EXOC3L2: variants seen among roughly 807,000 people sequenced by gnomAD.
The protein encoded by EXOC3L2 is exocyst complex component 3-like protein 2.
In EXOC3L2, 17 loss-of-function variants were observed where a neutral mutation model predicts 44.4. That is an observed-to-expected ratio of 0.38 (90% confidence interval 0.26 to 0.57). The LOEUF is 0.57. EXOC3L2 is among the 20% of genes least tolerant of loss of function. EXOC3L2 has a pLI of 0.65. For missense variants in EXOC3L2, 541 were observed against 588.4 expected, an observed-to-expected ratio of 0.92 and a Z score of 0.83; for synonymous variants, 256 against 253.7, an observed-to-expected ratio of 1.01 and a Z score of -0.09.
chr19:45,216,305 G>A, intron 10 of EXOC3L2, 111 bp from the exon 11 acceptor site: 2 of 1,424,642 alleles, frequency 1.4e-6, no homozygotes, highest in South Asian at 1.4e-5. Context: ...ACCAGGGGTG[G>A]TGGCTCAAGC....
intron 4 of EXOC3L2, among the ~76,000 whole-genome samples, chr19:45,230,168 G>A (rs1599765863): frequency 1.3e-5 from 2 of 151,598 alleles, no homozygotes; most frequent in Non-Finnish European, 2.9e-5. Context: ...CTACAGGCAC[G>A]TGCCACCACA....
intron 1 of EXOC3L2, among the ~76,000 whole-genome samples, chr19:45,245,022 C>T (rs79216227): frequency 0.015 from 2,231 of 152,028 alleles, 51 homozygotes; most frequent in African/African-American, 0.052. Flanking sequence ...CGCCCAGACT[C>T]GCAGGACATT....
At position 45,231,746 on chromosome 19, in the gene EXOC3L2, T is replaced by C. The variant is rs759838271; in HGVS notation, c.1269+17A>G. 1.3e-6 allele frequency: 2 copies of C among 1,590,920 alleles called. No homozygotes were observed. The highest frequency in any genetic ancestry group is 3.4e-5 in the Admixed American group (2 of 59,494). On this transcript the variant is annotated intron_variant, in intron 4 of 11. Transcript: ENST00000413988. ...TCCACAGCACCTCCTGCTTCCAAAATGCAAAGTTCCAGGTACCTTAACATC... is the reference window on the plus strand; with the variant it reads ...TCCACAGCACCTCCTGCTTCCAAAACGCAAAGTTCCAGGTACCTTAACATC...
In EXOC3L2 at chr19:45,228,201, C is replaced by T. The variant is rs1176637308; in HGVS notation, c.1335G>A (p.Glu445=). 6.2e-7 allele frequency: 1 copy of T among 1,614,054 alleles called. No individual in the cohort carries two copies. The highest frequency in any genetic ancestry group is 8.5e-7 in the Non-Finnish European group (1 of 1,180,038). ...QEDEEHWGSL[E]DQPSSLAQDV... is the part of the protein sequence containing the mutation. ...CCTGGGCCAGGCTGCTGGGCTGGTCCTCCAGGCTCCCCCAGTGCTCTTCGT... is the reference window on the plus strand; with the variant it reads ...CCTGGGCCAGGCTGCTGGGCTGGTCTTCCAGGCTCCCCCAGTGCTCTTCGT... Residue 445 remains glutamate (E), a synonymous_variant, in exon 5 of 12, where the codon GAG becomes GAA. Transcript: ENST00000413988.
At chr19:45,227,181 G>A (rs1474959366) in intron 7 of EXOC3L2, among the ~76,000 whole-genome samples, 4 of 149,434 alleles carry the variant, frequency 2.7e-5, no homozygotes, top group Non-Finnish European at 5.9e-5. Flanking sequence ...GCAGTGGTGC[G>A]ATCTTGGCTC....
intron 2 of EXOC3L2, among the ~76,000 whole-genome samples, chr19:45,237,054 G>A (rs1298608595): frequency 6.6e-6 from 1 of 151,688 alleles, no homozygotes; most frequent in Non-Finnish European, 1.5e-5. Context: ...TGGGTGGAAG[G>A]TGGGTGCTGA....
intron 8 of EXOC3L2, among the ~76,000 whole-genome samples, chr19:45,221,515 A>C (rs1253689942): frequency 6.7e-6 from 1 of 149,090 alleles, no homozygotes; most frequent in South Asian, 2.1e-4. Flanking sequence ...TGCCCGGCTA[A>C]TTTTTGCATT....
At chr19:45,214,382 C>A (rs1278333803) in intron 11 of EXOC3L2, among the ~76,000 whole-genome samples, 1 of 152,196 alleles carries the variant, frequency 6.6e-6, no homozygotes, top group African/African-American at 2.4e-5. Flanking sequence ...CCGGCAGCCA[C>A]CACCACTGCC....
At chr19:45,223,295 T>C (rs1247853286) in intron 8 of EXOC3L2, among the ~76,000 whole-genome samples, 1 of 151,960 alleles carries the variant, frequency 6.6e-6, no homozygotes. Flanking sequence ...GTAAGTGCTT[T>C]GGAGAAAAAT....
intron 4 of EXOC3L2, among the ~76,000 whole-genome samples, chr19:45,229,103 GATAAA>G (rs1436652004): frequency 7.3e-5 from 11 of 151,036 alleles, no homozygotes; most frequent in East Asian, 1.9e-4. Flanking sequence ...TAAATAAATA[GATAAA>G]ATAAAATTAG....
intron 1 of EXOC3L2, among the ~76,000 whole-genome samples, chr19:45,240,528 A>G (rs1057455139): frequency 6.6e-6 from 1 of 152,062 alleles, no homozygotes; most frequent in Non-Finnish European, 1.5e-5. Context: ...AAAGGAAGAC[A>G]CTCTGGAACT....
Position 45,213,110 on chromosome 19 carries a change from G to A in EXOC3L2, c.2368C>T (p.Pro790Ser). 1 of 1,545,102 alleles carries A rather than the reference G, an allele frequency of 6.5e-7. No homozygotes were observed. The highest frequency in any genetic ancestry group is 8.7e-7 in the Non-Finnish European group (1 of 1,149,890). ...ARPSLACLPR[P>S]RPPSLARPRA... The stretch of plus-strand genomic sequence containing the variant: ...GGTCGCGCTAGAGACGGAGGCCGGG[G>A]CCGAGGCAGACAGGCCAAACTGGGC... Residue 790 changes from proline to serine, a missense_variant, in exon 12 of 12, where the codon CCC becomes TCC. Pro to Ser is a moderately conservative substitution (Grantham distance 74). Coordinates refer to ENST00000413988, the MANE Select transcript of EXOC3L2 (RefSeq NM_001382422.1).
At chr19:45,243,386 T>C (rs1970145507) in intron 1 of EXOC3L2, among the ~76,000 whole-genome samples, 1 of 152,112 alleles carries the variant, frequency 6.6e-6, no homozygotes, top group Non-Finnish European at 1.5e-5. Flanking sequence ...GCCTAGGTTA[T>C]GAGTAAGAGC....
chr19:45,212,917 C>T lies in EXOC3L2; in HGVS notation c.*152G>A, dbSNP rs1969790737. 4 of 862,216 alleles carry T rather than the reference C, an allele frequency of 4.6e-6. No homozygotes were observed. The highest frequency in any genetic ancestry group is 6.6e-6 in the Non-Finnish European group (4 of 608,014). 53.4% of individuals were successfully genotyped at this position (862,216 alleles called of 1,614,324 possible). On this transcript the variant is annotated 3_prime_UTR_variant, in exon 12 of 12. Coordinates refer to ENST00000413988, the MANE Select transcript of EXOC3L2 (RefSeq NM_001382422.1). ...GCCTGGCGTTTGTTTCCCTTCTGTA[C>T]AGGGAGTTTGGGGTTGGGTGAAAAG...
In EXOC3L2 at chr19:45,231,671, A is replaced by G. The variant is rs1357366376; in HGVS notation, c.1269+92T>C. On this transcript the variant is annotated intron_variant, in intron 4 of 11. Transcript: ENST00000413988. ...GTAAAGGGAAAAGGGAGTTGGAAAG[A>G]GTGAAAGGTGGAGGGGACAGGCTTC... The G allele has an allele frequency of 1.1e-5, 12 of 1,095,434 alleles. No individual in the cohort carries two copies. In the African/African-American group the frequency reaches 1.7e-4, roughly 16 times the overall value. 67.9% of individuals were successfully genotyped at this position (1,095,434 alleles called of 1,614,324 possible).
intron 11 of EXOC3L2, among the ~76,000 whole-genome samples, chr19:45,214,349 G>A (rs907657262): frequency 1.3e-5 from 2 of 152,148 alleles, no homozygotes; most frequent in Admixed American, 1.3e-4. Flanking sequence ...TGCCCAAATA[G>A]CACTGCAAGG....
intron 1 of EXOC3L2, among the ~76,000 whole-genome samples, chr19:45,241,697 C>T (rs571898770): frequency 7.4e-4 from 112 of 152,122 alleles, no homozygotes; most frequent in Admixed American, 1.4e-3. Context: ...TACATAGACG[C>T]CTGTTCTCCA....
At chr19:45,241,471 C>T (rs945523949) in intron 1 of EXOC3L2, among the ~76,000 whole-genome samples, 1 of 138,482 alleles carries the variant, frequency 7.2e-6, no homozygotes, top group African/African-American at 2.7e-5. Context: ...GAGCAAGACT[C>T]CATCTCAAAA....
intron 4 of EXOC3L2, 21 bp downstream of exon 4, chr19:45,231,742 A>G (rs766794060): frequency 6.3e-7 from 1 of 1,589,414 alleles, no homozygotes; most frequent in Admixed American, 1.7e-5. Flanking sequence ...TCCTGCTTCC[A>G]AAATGCAAAG....
Sources: gnomAD v4.1 joint callset for allele counts (sites outside exome capture counted in the v4.1 genomes callset) on GRCh38, gnomAD v4.1.1 for gene constraint, MANE v1.5 for transcripts, NCBI Gene and HGNC (gene_info 2026-07-23, HGNC 2026-07-21) for gene names.